LIMS2: variants seen among roughly 807,000 people sequenced by gnomAD.
The protein encoded by LIMS2 is LIM and senescent cell antigen-like-containing domain protein 2.
In LIMS2, 30 loss-of-function variants were observed where a neutral mutation model predicts 45.3. The observed-to-expected ratio is 0.66, with a 90% confidence interval of 0.50 to 0.90. The LOEUF is 0.90. LIMS2 is among the 40% of genes least tolerant of loss of function. The pLI is 0.00. For synonymous variants in LIMS2, 173 were observed against 188.0 expected (o/e 0.92, Z 0.65); for missense variants, 485 against 468.7 (o/e 1.03, Z -0.32).
At chr2:127,650,192 AC>A in intron 4 of LIMS2, 2 of 911,468 alleles carry the variant, frequency 2.2e-6, no homozygotes, top group Non-Finnish European at 3.4e-6. Context: ...AAGCGGTGAC[AC>A]CCCGGCCACT....
In LIMS2 at chr2:127,653,886, A is replaced by C. The variant is rs1684047489; in HGVS notation, c.359+538T>G. Among the ~76,000 whole-genome samples the C allele has an allele frequency of 6.6e-6, 1 of 151,972 alleles. No homozygotes were observed. Among genetic ancestry groups the C allele is most frequent in the Non-Finnish European group, 1.5e-5 (1 of 67,990 alleles). On this transcript the variant is annotated intron_variant, in intron 4 of 9. Coordinates refer to ENST00000355119, the MANE Select transcript of LIMS2 (RefSeq NM_001161403.3). This position sits in a 1 kb window ranked among gnomAD's most constrained non-coding sequence, Gnocchi z 5.3. ...GGCGTGGAGAAGCAAGCCCTGGAGAAAGTGTGGGGATGAACAGGGCTCACA... is the reference window on the plus strand; with the variant it reads ...GGCGTGGAGAAGCAAGCCCTGGAGACAGTGTGGGGATGAACAGGGCTCACA...
Position 127,680,722 on chromosome 2 carries a change from A to G in LIMS2, c.-5+598T>C, listed in dbSNP as rs1352017438. Among the ~76,000 whole-genome samples, 3 of 152,186 alleles carry G rather than the reference A, an allele frequency of 2.0e-5. No homozygotes were observed. In the South Asian group the frequency reaches 6.2e-4, roughly 31 times the overall value. On this transcript the variant is annotated intron_variant, in intron 1 of 9. Coordinates refer to the LIMS2 transcript ENST00000410011. ...ACTCAGGAGTAGAGGTGGACCATCG[A>G]GCTTCACAATTTTCCAAAGATGACC...
rs1430306556 is a variant in LIMS2 at position 127,664,057 on chromosome 2, A to T, written c.12-6495T>A. Among the ~76,000 whole-genome samples the T allele has an allele frequency of 2.6e-5, 4 of 152,174 alleles. No individual in the cohort carries two copies. Among genetic ancestry groups the T allele is most frequent in the African/African-American group, 4.8e-5 (2 of 41,438 alleles). ...GTCTGAAAGCAGTGCTGGGGGCTACACAGGCTCCCTCGTCTCTAACATAGG... is the reference window on the plus strand; with the variant it reads ...GTCTGAAAGCAGTGCTGGGGGCTACTCAGGCTCCCTCGTCTCTAACATAGG... On this transcript the variant is annotated intron_variant, in intron 1 of 9. Transcript: ENST00000355119. This position sits in a 1 kb window ranked among gnomAD's most constrained non-coding sequence, Gnocchi z 5.5.
intron 4 of LIMS2, chr2:127,650,397 G>A (rs1238430300): frequency 1.7e-5 from 9 of 533,722 alleles, no homozygotes; most frequent in Non-Finnish European, 3.0e-5. Flanking sequence ...CAAGGCTCAC[G>A]TCCCATTCCC....
chr2:127,649,910 T>C, intron 4 of LIMS2: 2 of 948,550 alleles, frequency 2.1e-6, no homozygotes, highest in Non-Finnish European at 3.2e-6. Context: ...GAAGAGATGC[T>C]GCCCCCTGGT....
chr2:127,643,264 G>C, intron 4 of LIMS2, 192 bp from the exon 5 acceptor site: 1 of 618,452 alleles, frequency 1.6e-6, no homozygotes, highest in Non-Finnish European at 2.9e-6. Flanking sequence ...CCTGGGAATG[G>C]GACGCATGCT....
rs2105355324 is a variant in LIMS2, at chr2:127,681,517, G to GCCA, written c.-205_-203dup. The stretch of plus-strand genomic sequence containing the variant: ...CACCTCTCCCTGGGCAGGAGGCTTG[G>GCCA]CCAGAGGTCCTTAGCTGGAGGCAGA... On this transcript the variant is annotated 5_prime_UTR_variant, in exon 1 of 10. Coordinates refer to the LIMS2 transcript ENST00000410011. 1.3e-5 allele frequency: 2 copies of GCCA among 152,770 alleles called. 1 individual carries two copies. Among genetic ancestry groups the GCCA allele is most frequent in the South Asian group, 4.1e-4 (2 of 4,834 alleles). The allele number at this position is 152,770 out of a possible 1,614,324, so 9.5% of individuals were successfully genotyped here.
At position 127,643,077 on chromosome 2, in the gene LIMS2, G is replaced by A. The variant is rs181196903; in HGVS notation, c.360-5C>T. The A allele has an allele frequency of 4.1e-5, 65 of 1,567,068 alleles. No individual in the cohort carries two copies. Among genetic ancestry groups the A allele is most frequent in the East Asian group, 1.4e-4 (6 of 42,576 alleles). ...TGGCAAGGCCGGCAGAGATGCCTGC[G>A]GGAGGCGGGGGCATTAGGGGCAGAG... is the stretch of plus-strand genomic sequence containing the variant. On this transcript the variant is annotated splice_polypyrimidine_tract_variant and splice_region_variant and intron_variant, in intron 4 of 9. Transcript: ENST00000355119.
chr2:127,647,250 G>T lies in LIMS2; in HGVS notation c.360-4178C>A, dbSNP rs1441519967. Reference sequence around the variant, plus strand: ...TGAGGGAGTGGCCCCAGGGCCAGGAGGGGGTGCTGAGCCTGGGAGACAACT... The same window carrying T: ...TGAGGGAGTGGCCCCAGGGCCAGGATGGGGTGCTGAGCCTGGGAGACAACT... On this transcript the variant is annotated intron_variant, in intron 4 of 9. Transcript: ENST00000355119. This position sits in a 1 kb window ranked among gnomAD's most constrained non-coding sequence, Gnocchi z 4.3. Among the ~76,000 whole-genome samples the T allele has an allele frequency of 6.6e-6, 1 of 152,148 alleles. No homozygotes were observed. The highest frequency in any genetic ancestry group is 2.4e-5 in the African/African-American group (1 of 41,432).
intron 2 of LIMS2, chr2:127,655,125 G>A (rs1684169339): frequency 1.6e-6 from 1 of 606,622 alleles, no homozygotes; most frequent in African/African-American, 1.8e-5. Flanking sequence ...AGAGGTCCGT[G>A]AGGCCACCTG....
At chr2:127,645,372 T>C (rs983980128) in intron 4 of LIMS2, among the ~76,000 whole-genome samples, 1 of 152,202 alleles carries the variant, frequency 6.6e-6, no homozygotes, top group African/African-American at 2.4e-5. Context: ...GCTGGATGTA[T>C]CATTTTCAGA....
rs1684866931 is a variant in LIMS2, at chr2:127,664,252, G to A, written c.12-6690C>T. On this transcript the variant is annotated intron_variant, in intron 1 of 9. Coordinates refer to ENST00000355119, the MANE Select transcript of LIMS2 (RefSeq NM_001161403.3). The surrounding 1 kb of genome is among the most constrained non-coding windows in gnomAD (Gnocchi z 5.5). ...TTTCCGAGGGAAGGCCTGCCCTGCC[G>A]CCGCAGCTTTCCGGCCATTGTCCCC... 6 of 1,214,702 alleles carry A rather than the reference G, an allele frequency of 4.9e-6. No homozygotes were observed. The highest frequency in any genetic ancestry group is 3.3e-5 in the East Asian group (1 of 30,176). 75.2% of individuals were successfully genotyped at this position (1,214,702 alleles called of 1,614,324 possible).
rs994561790 is a variant in LIMS2 at position 127,653,326 on chromosome 2, G to A, written c.359+1098C>T. Among the ~76,000 whole-genome samples, 2 of 152,144 alleles carry A rather than the reference G, an allele frequency of 1.3e-5. No individual in the cohort carries two copies. Among genetic ancestry groups the A allele is most frequent in the African/African-American group, 4.8e-5 (2 of 41,422 alleles). Reference sequence around the variant, plus strand: ...GCTGCCTCTCACTGATACAGGGGACGCATGCAGAGGCAGCCTTGGTGGTCA... The same window carrying A: ...GCTGCCTCTCACTGATACAGGGGACACATGCAGAGGCAGCCTTGGTGGTCA... On this transcript the variant is annotated intron_variant, in intron 4 of 9. Coordinates refer to ENST00000355119, the MANE Select transcript of LIMS2 (RefSeq NM_001161403.3). This position sits in a 1 kb window ranked among gnomAD's most constrained non-coding sequence, Gnocchi z 5.3.
At chr2:127,658,206 T>C (rs7576846) in intron 1 of LIMS2, among the ~76,000 whole-genome samples, 2,270 of 152,228 alleles carry the variant, frequency 0.015, 73 homozygotes, top group African/African-American at 0.051. Context: ...CTGGGCAATA[T>C]GGCAAGAATC....
chr2:127,666,071 C>T (rs1294677728), intron 1 of LIMS2, among the ~76,000 whole-genome samples: 2 of 152,128 alleles, frequency 1.3e-5, no homozygotes, highest in Admixed American at 6.6e-5. Context: ...TGCAGCCTGT[C>T]CTGCTGCAGG....
At chr2:127,654,755 C>A in intron 3 of LIMS2, 75 bp downstream of exon 3, 1 of 1,525,058 alleles carries the variant, frequency 6.6e-7, no homozygotes, top group Admixed American at 1.7e-5. Context: ...TCTGTGTACC[C>A]CCTCGGCCCC....
At chr2:127,674,636 C>T in intron 1 of LIMS2, 2 of 985,442 alleles carry the variant, frequency 2.0e-6, no homozygotes, top group South Asian at 4.7e-5. Flanking sequence ...TCGGGGATCG[C>T]ACAGCGCGGG....
upstream of LIMS2, among the ~76,000 whole-genome samples, chr2:127,678,951 GGT>G: frequency 6.6e-6 from 1 of 152,248 alleles, no homozygotes; most frequent in South Asian, 2.1e-4. The surrounding 1 kb of genome is among the most constrained non-coding windows in gnomAD (Gnocchi z 5.3). Flanking sequence ...GAGACCCTGG[GGT>G]GTCTGTACCA....
At chr2:127,680,884 A>G (rs768330733) in intron 1 of LIMS2, among the ~76,000 whole-genome samples, 3 of 152,102 alleles carry the variant, frequency 2.0e-5, no homozygotes, top group Non-Finnish European at 2.9e-5. Flanking sequence ...TAACACCTCA[A>G]CACATCATGC....
Sources: gnomAD v4.1 joint callset for allele counts (sites outside exome capture counted in the v4.1 genomes callset) on GRCh38, gnomAD v4.1.1 for gene constraint, Gnocchi (gnomAD v3.1) non-coding constraint, MANE v1.5 for transcripts, NCBI Gene and HGNC (gene_info 2026-07-23, HGNC 2026-07-21) for gene names.